NKAIN2: variants seen among roughly 807,000 people sequenced by gnomAD.
NKAIN2 encodes sodium/potassium-transporting ATPase subunit beta-1-interacting protein 2.
In NKAIN2, 14 loss-of-function variants were observed where a neutral mutation model predicts 32.6. The observed-to-expected ratio is 0.43, with a 90% CI of 0.28 to 0.67. NKAIN2 has a LOEUF of 0.67. NKAIN2 is among the 30% of genes least tolerant of loss of function. The pLI is 0.17. For synonymous variants in NKAIN2, 80 were observed against 87.2 expected (o/e 0.92, Z 0.46); for missense variants, 198 against 258.3 (o/e 0.77, Z 1.60).
intron 1 of NKAIN2, among the ~76,000 whole-genome samples, chr6:123,962,011 T>C (rs1002078355): frequency 2.0e-5 from 3 of 152,206 alleles, no homozygotes; most frequent in Admixed American, 6.5e-5. Flanking sequence ...GTTTAGATGT[T>C]CATCTTGTTA....
At chr6:124,092,885 A>C (rs1784493173) in intron 1 of NKAIN2, among the ~76,000 whole-genome samples, 1 of 151,882 alleles carries the variant, frequency 6.6e-6, no homozygotes, top group African/African-American at 2.4e-5. Flanking sequence ...ATCAACCTCT[A>C]TTGTCTTCAG....
At chr6:124,182,936 A>G (rs1306678121) in intron 1 of NKAIN2, among the ~76,000 whole-genome samples, 3 of 152,158 alleles carry the variant, frequency 2.0e-5, no homozygotes, top group Non-Finnish European at 2.9e-5. Flanking sequence ...TGTGCCATGT[A>G]TTAGAACTAG....
intron 5 of NKAIN2, among the ~76,000 whole-genome samples, chr6:124,800,882 G>C (rs1448105795): frequency 6.6e-6 from 1 of 152,132 alleles, no homozygotes; most frequent in African/African-American, 2.4e-5. Flanking sequence ...AATGTTTTCA[G>C]CAAAGAGTGT....
At chr6:124,419,241 T>A (rs1428418870) in intron 3 of NKAIN2, among the ~76,000 whole-genome samples, 1 of 152,124 alleles carries the variant, frequency 6.6e-6, no homozygotes, top group East Asian at 1.9e-4. Context: ...AAGCTTCACT[T>A]CTCTGTGTTA....
At chr6:124,552,045 G>A (rs994462479) in intron 3 of NKAIN2, among the ~76,000 whole-genome samples, 4 of 152,208 alleles carry the variant, frequency 2.6e-5, no homozygotes, top group Admixed American at 6.5e-5. Flanking sequence ...AGTCTCAGAT[G>A]TGGCTTCCCT....
chr6:124,424,269 T>C (rs1442794021), intron 3 of NKAIN2, among the ~76,000 whole-genome samples: 1 of 152,108 alleles, frequency 6.6e-6, no homozygotes, highest in Non-Finnish European at 1.5e-5. Flanking sequence ...TTAATTTAAC[T>C]TTGAATAAAA....
intron 1 of NKAIN2, among the ~76,000 whole-genome samples, chr6:123,938,845 A>G (rs1776685700): frequency 6.6e-6 from 1 of 151,720 alleles, no homozygotes; most frequent in Non-Finnish European, 1.5e-5. Context: ...GGACATTGCT[A>G]TGCAGAACTC....
At chr6:124,562,965 C>T (rs958310116) in intron 3 of NKAIN2, among the ~76,000 whole-genome samples, 2 of 147,590 alleles carry the variant, frequency 1.4e-5, no homozygotes, top group African/African-American at 2.5e-5. Flanking sequence ...ACTGCAATGG[C>T]GCGATCTCAG....
chr6:124,397,249 T>A (rs755058671), intron 3 of NKAIN2, among the ~76,000 whole-genome samples: 12 of 152,034 alleles, frequency 7.9e-5, no homozygotes, highest in Non-Finnish European at 1.8e-4. Flanking sequence ...ATAAATTGCA[T>A]TGTAATTTAA....
Position 124,299,669 on chromosome 6 carries a change from C to T in NKAIN2, c.192+16527C>T, listed in dbSNP as rs547215931. Among the ~76,000 whole-genome samples the T allele has an allele frequency of 7.9e-5, 12 of 151,916 alleles. 1 individual carries two copies. The highest frequency in any genetic ancestry group is 3.9e-4 in the Admixed American group (6 of 15,272). On this transcript the variant is annotated intron_variant, in intron 2 of 6. Transcript: ENST00000368417. ...CCATGATTTTTCTTCAAATTTTTCC[C>T]CTGAAGTATACATTACCCCTTCTTT...
At chr6:124,602,059 A>G (rs1168179558) in intron 3 of NKAIN2, among the ~76,000 whole-genome samples, 1 of 152,074 alleles carries the variant, frequency 6.6e-6, no homozygotes, top group Non-Finnish European at 1.5e-5. Context: ...AAATCTGTCC[A>G]TTAGCTACCC....
chr6:124,349,993 A>G (rs1016947075), intron 2 of NKAIN2, among the ~76,000 whole-genome samples: 2 of 152,242 alleles, frequency 1.3e-5, no homozygotes, highest in Non-Finnish European at 2.9e-5. Flanking sequence ...CTCTCATCAC[A>G]GACAATATCT....
At chr6:124,691,963 T>C (rs1212025630) in intron 4 of NKAIN2, among the ~76,000 whole-genome samples, 5 of 152,238 alleles carry the variant, frequency 3.3e-5, no homozygotes, top group Non-Finnish European at 7.3e-5. Context: ...GATTTCTTCA[T>C]GATCATCAAA....
intron 5 of NKAIN2, among the ~76,000 whole-genome samples, chr6:124,808,736 A>G (rs997985902): frequency 6.6e-6 from 1 of 152,212 alleles, no homozygotes; most frequent in African/African-American, 2.4e-5. Flanking sequence ...AGAAAACCCC[A>G]TTGTCTCTGC....
At chr6:124,387,117 A>C (rs1027161352) in intron 3 of NKAIN2, among the ~76,000 whole-genome samples, 1 of 152,132 alleles carries the variant, frequency 6.6e-6, no homozygotes, top group Non-Finnish European at 1.5e-5. Context: ...TGCATTTTCC[A>C]TGAACTTTTT....
chr6:124,759,477 T>C (rs1761423365), intron 4 of NKAIN2, among the ~76,000 whole-genome samples: 1 of 151,936 alleles, frequency 6.6e-6, no homozygotes, highest in African/African-American at 2.4e-5. Context: ...ACAGGAATGC[T>C]CATCCTTCTC....
intron 1 of NKAIN2, among the ~76,000 whole-genome samples, chr6:123,935,701 A>G (rs1776470436): frequency 6.6e-6 from 1 of 152,146 alleles, no homozygotes; most frequent in South Asian, 2.1e-4. Context: ...TCATTTAATC[A>G]TATAGATAAA....
chr6:124,372,981 T>C (rs1339740126), intron 3 of NKAIN2, among the ~76,000 whole-genome samples: 3 of 152,292 alleles, frequency 2.0e-5, no homozygotes, highest in South Asian at 2.1e-4. Flanking sequence ...TATGATATGA[T>C]TCAAATTATA....
At chr6:124,076,854 A>AT (rs1437893901) in intron 1 of NKAIN2, among the ~76,000 whole-genome samples, 1 of 152,196 alleles carries the variant, frequency 6.6e-6, no homozygotes, top group Non-Finnish European at 1.5e-5. Context: ...CTGTGAGCTC[A>AT]TATAGGTTTT....
Sources: gnomAD v4.1 joint callset for allele counts (sites outside exome capture counted in the v4.1 genomes callset) on GRCh38, gnomAD v4.1.1 for gene constraint, MANE v1.5 for transcripts, NCBI Gene and HGNC (gene_info 2026-07-23, HGNC 2026-07-21) for gene names.